Variants in FMNL2 observed in about 807,000 individuals in gnomAD.
FMNL2 encodes formin like 2.
FMNL2 carries 51 observed loss-of-function variants against 130.2 expected under a neutral mutation model. The ratio of observed to expected loss-of-function variants is 0.39; its 90% CI spans 0.31 to 0.49. The LOEUF (loss-of-function observed/expected upper bound fraction) is 0.49. Ranked by LOEUF, FMNL2 falls within the 20% of genes least tolerant of loss-of-function variation. The probability of loss-of-function intolerance (pLI) is 0.85; values close to 1 mark genes in which losing one functional copy is unlikely to be tolerated. For missense variants in FMNL2, 977 were observed against 1,316.2 expected (o/e 0.74, Z 3.99); for synonymous variants, 465 against 467.1 (o/e 1.00, Z 0.06).
intron 1 of FMNL2, among the ~76,000 whole-genome samples, chr2:152,447,713 A>C (rs1688422966): frequency 6.6e-6 from 1 of 152,054 alleles, no homozygotes; most frequent in African/African-American, 2.4e-5. Context: ...TACTGCTGCT[A>C]ATAACTTCCT....
intron 1 of FMNL2, among the ~76,000 whole-genome samples, chr2:152,467,211 G>T (rs1689597293): frequency 6.6e-6 from 1 of 152,044 alleles, no homozygotes; most frequent in Non-Finnish European, 1.5e-5. Context: ...GATCTTGCTT[G>T]TTTACCATCT....
At chr2:152,441,941 T>C (rs916100653) in intron 1 of FMNL2, among the ~76,000 whole-genome samples, 1 of 152,086 alleles carries the variant, frequency 6.6e-6, no homozygotes, top group Non-Finnish European at 1.5e-5. Flanking sequence ...GGATCAGATA[T>C]TGAGAGTGGG....
At chr2:152,414,051 G>A (rs1452916164) in intron 1 of FMNL2, among the ~76,000 whole-genome samples, 3 of 152,072 alleles carry the variant, frequency 2.0e-5, no homozygotes, top group Non-Finnish European at 4.4e-5. Flanking sequence ...TGATGTACAC[G>A]AGCTTATGTT....
At chr2:152,617,529 T>C (rs2105889356) in intron 13 of FMNL2, among the ~76,000 whole-genome samples, 2 of 152,364 alleles carry the variant, frequency 1.3e-5, no homozygotes, top group East Asian at 1.9e-4. Context: ...ATGCCACTTA[T>C]TTATTTTTAT....
chr2:152,456,036 T>C (rs927408588), intron 1 of FMNL2, among the ~76,000 whole-genome samples: 2 of 152,238 alleles, frequency 1.3e-5, no homozygotes, highest in African/African-American at 4.8e-5. Flanking sequence ...CTTCATTGGA[T>C]GATGCCCACA....
chr2:152,618,264 C>A (rs899282068), intron 13 of FMNL2, among the ~76,000 whole-genome samples: 2 of 152,044 alleles, frequency 1.3e-5, no homozygotes, highest in African/African-American at 4.8e-5. Flanking sequence ...TTTTGTTAAC[C>A]GCATTACCGA....
intron 1 of FMNL2, among the ~76,000 whole-genome samples, chr2:152,345,289 T>C (rs1323257100): frequency 2.6e-5 from 4 of 152,220 alleles, no homozygotes; most frequent in Non-Finnish European, 4.4e-5. Flanking sequence ...ATGACAATTT[T>C]ACAGTGGCAG....
chr2:152,338,645 CAA>C (rs1037448633), intron 1 of FMNL2, among the ~76,000 whole-genome samples: 2 of 152,012 alleles, frequency 1.3e-5, no homozygotes, highest in African/African-American at 4.8e-5. Context: ...TAGTGACTAG[CAA>C]AAATTGGATC....
rs1324223553 is a variant in FMNL2 at position 152,636,583 on chromosome 2, T to C, written c.2837T>C (p.Ile946Thr). Residue 946 changes from isoleucine (I) to threonine (T), a missense_variant, in exon 22 of 26, where the codon ATC (isoleucine) becomes ACC (threonine). Around this residue, in one of 4 missense-constraint regions of FMNL2, gnomAD observed 689 missense variants for 995.9 expected, o/e 0.69. Coordinates refer to ENST00000288670, the MANE Select transcript of FMNL2 (RefSeq NM_052905.4). ...KLKKLQDDAK[I>T]AQDAFDDVVK... ...AAGAAGCTGCAGGATGATGCCAAGA[T>C]CGCACAGGCAAGTATTGGTGCCCCT... The C allele has an allele frequency of 1.3e-6, 2 of 1,559,436 alleles. No homozygotes were observed. The highest frequency in any genetic ancestry group is 1.2e-5 in the South Asian group (1 of 84,802).
At chr2:152,632,984 G>A (rs1196331631) in intron 21 of FMNL2, among the ~76,000 whole-genome samples, 1 of 152,080 alleles carries the variant, frequency 6.6e-6, no homozygotes, top group Non-Finnish European at 1.5e-5. Flanking sequence ...CTCAGCCATG[G>A]TAAATGGCTG....
intron 1 of FMNL2, among the ~76,000 whole-genome samples, chr2:152,413,024 A>G (rs912823562): frequency 6.6e-6 from 1 of 152,134 alleles, no homozygotes; most frequent in Non-Finnish European, 1.5e-5. Flanking sequence ...ATAGAAAACT[A>G]TGACAAAACT....
intron 4 of FMNL2, among the ~76,000 whole-genome samples, chr2:152,554,416 T>G (rs1488708096): frequency 1.3e-5 from 2 of 152,194 alleles, no homozygotes; most frequent in African/African-American, 4.8e-5. Flanking sequence ...CAAAAAATCC[T>G]TTGTGCTGTC....
intron 1 of FMNL2, among the ~76,000 whole-genome samples, chr2:152,364,253 GTT>G: frequency 8.9e-6 from 1 of 112,180 alleles, no homozygotes; most frequent in African/African-American, 3.3e-5. Flanking sequence ...CCGTTAGGAG[GTT>G]TGTGTGTTTT....
At chr2:152,619,383 T>C in intron 14 of FMNL2, 126 bp from the exon 15 acceptor site, 2 of 1,453,408 alleles carry the variant, frequency 1.4e-6, no homozygotes, top group Middle Eastern at 2.5e-4. Context: ...CATTTTTTGG[T>C]TTTTGAAAAC....
At chr2:152,387,709 A>G (rs1031468683) in intron 1 of FMNL2, among the ~76,000 whole-genome samples, 14 of 151,932 alleles carry the variant, frequency 9.2e-5, no homozygotes, top group African/African-American at 2.9e-4. Context: ...GCTAGAGTGC[A>G]GTAGTGCAAT....
chr2:152,559,963 A>G (rs1695434318), intron 5 of FMNL2, among the ~76,000 whole-genome samples: 1 of 152,186 alleles, frequency 6.6e-6, no homozygotes, highest in Non-Finnish European at 1.5e-5. Context: ...CAATTTTCAG[A>G]TGAAGGTTCT....
At chr2:152,547,527 G>C (rs774912649) in intron 3 of FMNL2, among the ~76,000 whole-genome samples, 39 of 152,182 alleles carry the variant, frequency 2.6e-4, no homozygotes, top group Non-Finnish European at 4.4e-4. Context: ...CTTCCTTGGG[G>C]GCTCTGCTTA....
intron 1 of FMNL2, among the ~76,000 whole-genome samples, chr2:152,465,028 G>C (rs1244042360): frequency 6.6e-6 from 1 of 152,176 alleles, no homozygotes; most frequent in Non-Finnish European, 1.5e-5. Context: ...AGCTTAGCAG[G>C]GAACTCAGCC....
At chr2:152,646,214 C>T (rs715047) in intron 25 of FMNL2, among the ~76,000 whole-genome samples, 58,257 of 151,090 alleles carry the variant, frequency 0.39, 11,399 homozygotes, top group Non-Finnish European at 0.44. Context: ...ATGCCTGTAG[C>T]CCAGCTACCT....
Sources: allele counts gnomAD v4.1 joint callset (sites outside exome capture counted in the v4.1 genomes callset), GRCh38; gene constraint gnomAD v4.1.1; regional missense constraint gnomAD v4.1.1; transcripts MANE v1.5; gene names NCBI Gene and HGNC (gene_info 2026-07-23, HGNC 2026-07-21).